The following MDN1 variants were observed in gnomAD, a reference collection of about 807,000 sequenced individuals.
MDN1 encodes the protein midasin AAA ATPase 1.
In MDN1, 266 loss-of-function variants were observed where a neutral mutation model predicts 669.2. The observed-to-expected ratio is 0.40, with a 90% CI of 0.36 to 0.44. MDN1 has a LOEUF of 0.44. Ranked by LOEUF, MDN1 falls within the 20% of genes least tolerant of loss-of-function variation. The pLI is 1.00. For synonymous variants in MDN1, 2,385 were observed against 2,457.1 expected (o/e 0.97, Z 0.87); for missense variants, 5,940 against 6,754.0 (o/e 0.88, Z 4.22).
chr6:89,723,519 T>C lies in MDN1; in HGVS notation c.5771A>G (p.Asn1924Ser), dbSNP rs779823309. ...ATACGTGTAGGTACTTACTTGGTTA[T>C]TGAAAGCAACCATTTTCTTAACAAT... ...KNIVKKMVAF[N>S]NQIDHEVTVE... Residue 1924 changes from asparagine to serine, a missense_variant, in exon 39 of 102, where the codon AAT becomes AGT. Physicochemically the swap from Asn to Ser is conservative, Grantham distance 46. Transcript: ENST00000369393. 9 of 1,555,104 alleles carry C rather than the reference T, an allele frequency of 5.8e-6. No individual in the cohort carries two copies. The highest frequency in any genetic ancestry group is 2.7e-5 in the African/African-American group (2 of 73,098).
chr6:89,690,933 T>C (rs1584198844), intron 63 of MDN1, 99 bp from the exon 64 acceptor site: 1 of 1,385,592 alleles, frequency 7.2e-7, no homozygotes, highest in Non-Finnish European at 9.8e-7. Context: ...GAAAGTATCA[T>C]GACTCAAAAA....
intron 74 of MDN1, among the ~76,000 whole-genome samples, chr6:89,679,077 G>T (rs1181571843): frequency 6.6e-6 from 1 of 152,174 alleles, no homozygotes; most frequent in African/African-American, 2.4e-5. Flanking sequence ...CCAACTATGT[G>T]CAGTGCATTA....
At chr6:89,812,677 C>T (rs1039542726) in intron 1 of MDN1, among the ~76,000 whole-genome samples, 2 of 142,172 alleles carry the variant, frequency 1.4e-5, no homozygotes, top group Non-Finnish European at 3.2e-5. Flanking sequence ...GCTAACTGAT[C>T]AGTTAGCCCT....
chr6:89,662,938 CCTCA>C lies in MDN1; in HGVS notation c.14262_14265del (p.Ser4754ArgfsTer20). ...CCCATGTGTTTATCCAGGTCTCCGC[CCTCA>C]CTATCTGATTTCTCATCATCCTCTT... On this transcript the variant is annotated frameshift_variant, in exon 86 of 102. Coordinates refer to ENST00000369393, the MANE Select transcript of MDN1 (RefSeq NM_014611.3). LOFTEE classifies it high-confidence loss of function. 3 of 1,614,056 alleles carry C rather than the reference CCTCA, an allele frequency of 1.9e-6. No homozygotes were observed. The highest frequency in any genetic ancestry group is 1.1e-5 in the South Asian group (1 of 91,072).
chr6:89,674,954 TGAC>T (rs1811081687), intron 78 of MDN1, among the ~76,000 whole-genome samples: 1 of 152,242 alleles, frequency 6.6e-6, no homozygotes, highest in Non-Finnish European at 1.5e-5. Context: ...ATTCAACAGA[TGAC>T]GACAACCTTC....
rs149317758 is a variant in MDN1 at position 89,664,468 on chromosome 6, G to A, written c.14236+19C>T. ...TTATGCTTTCAAAAACAAGAATGAAGTGACAGATAATCTGAAACCTTGTTC... is the reference window on the plus strand; with the variant it reads ...TTATGCTTTCAAAAACAAGAATGAAATGACAGATAATCTGAAACCTTGTTC... On this transcript the variant is annotated intron_variant, in intron 85 of 101. Transcript: ENST00000369393. 1,675 of 1,611,756 alleles carry A rather than the reference G, an allele frequency of 1.0e-3. 17 individuals carry two copies. The African/African-American group carries it at 0.016, about 16-fold the overall frequency.
chr6:89,732,832 G>T, intron 33 of MDN1, 57 bp from the exon 34 acceptor site: 1 of 1,530,424 alleles, frequency 6.5e-7, no homozygotes. Context: ...CAGAACAAAA[G>T]TTCATAACCA....
chr6:89,643,392 A>G lies in MDN1; in HGVS notation c.*613T>C, dbSNP rs904593586. The G allele has an allele frequency of 6.6e-6, 1 of 152,218 alleles. No individual in the cohort carries two copies. The highest frequency in any genetic ancestry group is 1.5e-5 in the Non-Finnish European group (1 of 68,042). 9.4% of individuals were successfully genotyped at this position (152,218 alleles called of 1,614,324 possible). On this transcript the variant is annotated 3_prime_UTR_variant, in exon 102 of 102. Transcript: ENST00000369393. ...TTTACACAGCCCAAGGATCGTTTTTATAGATGACCTGGGCACCTATAATGT... is the reference window on the plus strand; with the variant it reads ...TTTACACAGCCCAAGGATCGTTTTTGTAGATGACCTGGGCACCTATAATGT...
rs1200218157 is a variant in MDN1 at position 89,718,500 on chromosome 6, A to C, written c.6449T>G (p.Phe2150Cys). The C allele has an allele frequency of 6.2e-7, 1 of 1,614,172 alleles. No homozygotes were observed. The highest frequency in any genetic ancestry group is 2.2e-5 in the East Asian group (1 of 44,876). Residue 2150 changes from phenylalanine to cysteine, a missense_variant, in exon 43 of 102, where the codon TTT becomes TGT. This residue lies in a region of MDN1 where 2,292 missense variants were observed against 2,638.3 expected (regional missense o/e 0.87). Coordinates refer to ENST00000369393, the MANE Select transcript of MDN1 (RefSeq NM_014611.3). ...AEVVLRAWSH[F>C]LLTYKPKCLG... ...ACACTTAGGCTTATATGTCAGAAGA[A>C]AATGACTCCAGGCTCGCAGCACTAC...
rs762198581 is a variant in MDN1, at chr6:89,710,762, C to T, written c.7684G>A (p.Ala2562Thr). 8.1e-6 allele frequency: 13 copies of T among 1,603,358 alleles called. No homozygotes were observed. Among genetic ancestry groups the T allele is most frequent in the South Asian group, 5.6e-5 (5 of 88,626 alleles). The change falls in exon 50 of 102, where the codon GCA becomes ACA. Residue 2562 changes from alanine (A) to threonine (T), a missense_variant. By Grantham distance (58) the Ala-to-Thr change is moderately conservative. Coordinates refer to ENST00000369393, the MANE Select transcript of MDN1 (RefSeq NM_014611.3). ...TGTGAGTAAAAATTCCTGAGAGATG[C>T]AGCACTGGCTTCCAAATGAATTTGT... The part of the protein sequence containing the change: ...SIQIHLEASA[A>T]SLRNFYSHSL...
intron 4 of MDN1, 52 bp from the exon 5 acceptor site, chr6:89,794,006 G>T (rs770904465): frequency 3.4e-6 from 5 of 1,480,530 alleles, no homozygotes; most frequent in Non-Finnish European, 4.7e-6. Context: ...AAATGCTATC[G>T]CAAGACCTGC....
chr6:89,785,179 G>T, intron 8 of MDN1, 53 bp from the exon 9 acceptor site: 1 of 1,206,926 alleles, frequency 8.3e-7, no homozygotes, highest in Non-Finnish European at 1.2e-6. Context: ...TTTTAATCCT[G>T]AATTGTGCCT....
At chr6:89,650,336 A>C (rs1352536469) in intron 96 of MDN1, 138 bp from the exon 97 acceptor site, 4 of 797,072 alleles carry the variant, frequency 5.0e-6, no homozygotes, top group Non-Finnish European at 7.8e-6. Flanking sequence ...TGTTTCTGTC[A>C]ATTGACGACT....
intron 34 of MDN1, 130 bp downstream of exon 34, chr6:89,732,427 C>A: frequency 1.3e-6 from 1 of 755,614 alleles, no homozygotes; most frequent in Non-Finnish European, 2.2e-6. Flanking sequence ...AAAAGGAAAG[C>A]CATTCTGAGT....
In MDN1 at chr6:89,752,207, C is replaced by G. The variant is rs147596417; in HGVS notation, c.3076-625G>C. 2.1e-3 allele frequency among the ~76,000 whole-genome samples: 327 copies of G among 152,268 alleles called. 1 individual carries two copies. The highest frequency in any genetic ancestry group is 7.6e-3 in the African/African-American group (314 of 41,554). ...GGTCCCCAGATTTCAAGCTACACGT[C>G]TAGGCCCTGCTTTTAAGGCCTCCTC... On this transcript the variant is annotated intron_variant, in intron 22 of 101. Coordinates refer to ENST00000369393, the MANE Select transcript of MDN1 (RefSeq NM_014611.3).
chr6:89,740,887 A>G (rs1396410783), intron 31 of MDN1, among the ~76,000 whole-genome samples: 4 of 152,252 alleles, frequency 2.6e-5, no homozygotes, highest in Admixed American at 1.3e-4. Flanking sequence ...TTAATCAGAA[A>G]TTTAGTGTAA....
intron 15 of MDN1, among the ~76,000 whole-genome samples, chr6:89,766,727 A>G (rs1024088653): frequency 1.3e-5 from 2 of 152,232 alleles, no homozygotes; most frequent in Non-Finnish European, 2.9e-5. Context: ...AGAATATAAA[A>G]TGTACATGCT....
chr6:89,766,836 T>C (rs1157077977), intron 15 of MDN1, among the ~76,000 whole-genome samples: 2 of 152,254 alleles, frequency 1.3e-5, no homozygotes, highest in Non-Finnish European at 1.5e-5. Context: ...GCAGTTTCTT[T>C]TAAAGACTGT....
chr6:89,688,876 T>C (rs1812197501), intron 65 of MDN1, 68 bp from the exon 66 acceptor site: 3 of 1,338,932 alleles, frequency 2.2e-6, no homozygotes, highest in African/African-American at 1.4e-5. Context: ...GTCAAAAAGA[T>C]GTCAGCAACA....
Sources: gnomAD v4.1 joint callset for allele counts (sites outside exome capture counted in the v4.1 genomes callset) on GRCh38, gnomAD v4.1.1 for gene constraint, gnomAD v4.1.1 regional missense constraint, MANE v1.5 for transcripts, NCBI Gene and HGNC (gene_info 2026-07-23, HGNC 2026-07-21) for gene names.